SON: variants seen among roughly 807,000 people sequenced by gnomAD.
The protein encoded by SON is protein SON.
In SON, 4 loss-of-function variants were observed where a neutral mutation model predicts 173.3. The observed-to-expected ratio is 0.02, with a 90% CI of 0.01 to 0.05. The LOEUF (loss-of-function observed/expected upper bound fraction) is 0.05. Among genes scored for constraint, SON ranks in the 10% least tolerant of loss-of-function variants. The probability of loss-of-function intolerance (pLI) is 1.00; values close to 1 mark genes in which losing one functional copy is unlikely to be tolerated. For missense variants in SON, 2,626 were observed against 3,055.3 expected (o/e 0.86, Z 3.31); for synonymous variants, 1,190 against 1,105.9 (o/e 1.08, Z -1.51).
At chr21:33,564,106 T>C (rs1303699565) in intron 6 of SON, among the ~76,000 whole-genome samples, 1 of 152,240 alleles carries the variant, frequency 6.6e-6, no homozygotes, top group African/African-American at 2.4e-5. Context: ...AATAGTATTC[T>C]ACAGATTAAA....
chr21:33,568,924 A>T, intron 7 of SON, 47 bp from the exon 8 acceptor site: 1 of 1,073,874 alleles, frequency 9.3e-7, no homozygotes, highest in Non-Finnish European at 1.4e-6. Context: ...GTGATGTTTT[A>T]ATCAGGTAAT....
At position 33,553,358 on chromosome 21, in the gene SON, TGG is replaced by T; in HGVS notation, c.4128_4129del (p.Glu1377ValfsTer22). The T allele has an allele frequency of 1.2e-6, 2 of 1,612,016 alleles. No homozygotes were observed. The highest frequency in any genetic ancestry group is 1.7e-6 in the Non-Finnish European group (2 of 1,178,070). On this transcript the variant is annotated frameshift_variant, in exon 3 of 12. Transcript: ENST00000356577. LOFTEE classifies it high-confidence loss of function. ...CTGGAGTCTTCGACTGTGACTGTCC[TGG>T]AGTCTTCGACTGTAACTGTCCTGGA...
chr21:33,552,658 G>A lies in SON; in HGVS notation c.3427G>A (p.Ala1143Thr), dbSNP rs199881548. 3.1e-6 allele frequency: 5 copies of A among 1,614,048 alleles called. No homozygotes were observed. In the East Asian group the frequency reaches 8.9e-5, roughly 29 times the overall value. Residue 1143 changes from alanine to threonine, a missense_variant, in exon 3 of 12, where the codon GCA (alanine) becomes ACA (threonine). Coordinates refer to ENST00000356577, the MANE Select transcript of SON (RefSeq NM_138927.4). This position sits in a 1 kb window ranked among gnomAD's most constrained non-coding sequence, Gnocchi z 5.6. Reference protein sequence around the residue: ...TDSYTDTYTEAYMVPPLPPEE... With the variant: ...TDSYTDTYTETYMVPPLPPEE... ...TTCTTACACTGACACATATACAGAG[G>A]CATATATGGTGCCACCTTTGCCTCC...
intron 6 of SON, chr21:33,560,320 C>T (rs1244067140): frequency 7.4e-7 from 1 of 1,356,986 alleles, no homozygotes; most frequent in African/African-American, 1.5e-5. Flanking sequence ...ATTATTTTTC[C>T]TTCCCTTTGC....
chr21:33,546,171 A>T, intron 1 of SON, 42 bp from the exon 2 acceptor site: 2 of 1,508,834 alleles, frequency 1.3e-6, no homozygotes, highest in Non-Finnish European at 1.8e-6. Flanking sequence ...TATTAATGGT[A>T]TGATAAAATA....
At chr21:33,549,241 A>G (rs921543207) in intron 2 of SON, among the ~76,000 whole-genome samples, 2 of 152,088 alleles carry the variant, frequency 1.3e-5, no homozygotes, top group African/African-American at 4.8e-5. Context: ...TGCCTGGCTA[A>G]TTTTTGTATT....
Position 33,550,896 on chromosome 21 carries a change from G to A in SON, c.1665G>A (p.Thr555=), listed in dbSNP as rs549527625. Residue 555 remains threonine (T), a synonymous_variant, in exon 3 of 12, where the codon ACG becomes ACA. Transcript: ENST00000356577. ...AGTTGCCAGGACAGCCAGTGGCAAC[G>A]ACAGCGCTGGAGTTGCCGGGGCAGC... is the stretch of plus-strand genomic sequence containing the variant. The part of the protein sequence containing the change: ...VLELPGQPVA[T]TALELPGQPS... The A allele has an allele frequency of 5.6e-6, 9 of 1,610,442 alleles. No homozygotes were observed. Among genetic ancestry groups the A allele is most frequent in the East Asian group, 2.2e-5 (1 of 44,698 alleles).
chr21:33,558,129 G>A (rs897621429), intron 4 of SON: 3 of 152,918 alleles, frequency 2.0e-5, no homozygotes, highest in African/African-American at 7.3e-5. Flanking sequence ...ATATACTCTT[G>A]TGTTTTTGGC....
Position 33,551,270 on chromosome 21 carries a change from C to G in SON, c.2039C>G (p.Ala680Gly). The part of the protein sequence containing the change: ...SQSLEVPSTT[A>G]LESYNTVAQE... ...TCCCTGGAGGTGCCCTCGACGACAG[C>G]GCTGGAATCCTATAATACGGTAGCA... The change falls in exon 3 of 12, where the codon GCG (alanine) becomes GGG (glycine). Residue 680 changes from alanine (A) to glycine (G), a missense_variant. Ala to Gly is a moderately conservative substitution (Grantham distance 60). Coordinates refer to ENST00000356577, the MANE Select transcript of SON (RefSeq NM_138927.4). 1 of 1,614,134 alleles carries G rather than the reference C, an allele frequency of 6.2e-7. No individual in the cohort carries two copies. The highest frequency in any genetic ancestry group is 8.5e-7 in the Non-Finnish European group (1 of 1,179,992).
rs2085946091 is a variant in SON, at chr21:33,555,354, T to G, written c.6123T>G (p.Ser2041=). Residue 2041 remains serine, a synonymous_variant, in exon 3 of 12, where the codon TCT becomes TCG. Transcript: ENST00000356577. ...TCCGTCGTAAAAGATCCAGGTCTTC[T>G]GAACGAGGCAGATCACCCAAACGTC... ...SPIRRKRSRS[S]ERGRSPKRLT... 4 of 1,585,298 alleles carry G rather than the reference T, an allele frequency of 2.5e-6. No homozygotes were observed. Among genetic ancestry groups the G allele is most frequent in the Middle Eastern group, 1.7e-4 (1 of 5,962 alleles).
chr21:33,554,283 T>G lies in SON; in HGVS notation c.5052T>G (p.Pro1684=), dbSNP rs1174289808. The G allele has an allele frequency of 1.2e-6, 2 of 1,614,118 alleles. No homozygotes were observed. Among genetic ancestry groups the G allele is most frequent in the South Asian group, 1.1e-5 (1 of 91,080 alleles). The change falls in exon 3 of 12, where the codon CCT becomes CCG. Residue 1684 remains proline, a synonymous_variant. Transcript: ENST00000356577. ...LVSKDTEEPL[P]VKESDQTLAA... ...GTAAGGATACAGAAGAACCATTACCTGTAAAAGAGAGTGACCAGACATTAG... is the reference window on the plus strand; with the variant it reads ...GTAAGGATACAGAAGAACCATTACCGGTAAAAGAGAGTGACCAGACATTAG...
intron 8 of SON, chr21:33,572,753 G>T: frequency 3.0e-5 from 10 of 332,224 alleles, no homozygotes; most frequent in Middle Eastern, 8.6e-4. Context: ...ATTTGTTACT[G>T]TGTAAATTTC....
chr21:33,549,428 A>T, intron 2 of SON, 48 bp from the exon 3 acceptor site: 3 of 1,447,058 alleles, frequency 2.1e-6, no homozygotes, highest in Non-Finnish European at 2.8e-6. Context: ...ATTTAATCTA[A>T]CTCTACTTTG....
At position 33,554,592 on chromosome 21, in the gene SON, A is replaced by C; in HGVS notation, c.5361A>C (p.Lys1787Asn). ...ERASESSSEE[K>N]DDYEIFVKVK... ...CTTCAGAGTCTTCTTCAGAGGAAAAAGATGATTATGAAATTTTTGTAAAAG... is the reference window on the plus strand; with the variant it reads ...CTTCAGAGTCTTCTTCAGAGGAAAACGATGATTATGAAATTTTTGTAAAAG... The change falls in exon 3 of 12, where the codon AAA (lysine) becomes AAC (asparagine). Residue 1787 changes from lysine (K) to asparagine (N), a missense_variant. Physicochemically the swap from Lys to Asn is moderately conservative, Grantham distance 94. Transcript: ENST00000356577. 6.2e-7 allele frequency: 1 copy of C among 1,614,008 alleles called. No individual in the cohort carries two copies. The highest frequency in any genetic ancestry group is 8.5e-7 in the Non-Finnish European group (1 of 1,180,030).
Position 33,559,594 on chromosome 21 carries a change from C to T in SON, c.6476C>T (p.Ala2159Val). 1.2e-6 allele frequency: 2 copies of T among 1,606,704 alleles called. No individual in the cohort carries two copies. Among genetic ancestry groups the T allele is most frequent in the Non-Finnish European group, 8.5e-7 (1 of 1,177,532 alleles). ...AAACACTTTATTTTTTAGATTGCTG[C>T]AGCAAAACCAACTCCACCAAAAAGC... ...KPIFFNLNIA[A>V]AKPTPPKSQV... Residue 2159 changes from alanine (A) to valine (V), a missense_variant, in exon 6 of 12, where the codon GCA (alanine) becomes GTA (valine). Around this residue, in one of 13 missense-constraint regions of SON, gnomAD observed 75 missense variants for 201.6 expected, o/e 0.37. Transcript: ENST00000356577. This position sits in a 1 kb window ranked among gnomAD's most constrained non-coding sequence, Gnocchi z 4.1.
rs750106027 is a variant in SON, at chr21:33,553,560, G to A, written c.4329G>A (p.Ser1443=). ...AACCATCTGTTTCTGTCCAGGAATC[G>A]ACTGTGACAGTTTCAGAGCCTGCTG... The part of the protein sequence containing the change: ...VSEPSVSVQE[S]TVTVSEPAVT... Residue 1443 remains serine (S), a synonymous_variant, in exon 3 of 12, where the codon TCG becomes TCA. Transcript: ENST00000356577. 1.4e-5 allele frequency: 22 copies of A among 1,613,924 alleles called. No individual in the cohort carries two copies. The highest frequency in any genetic ancestry group is 3.3e-4 in the Middle Eastern group (2 of 6,084).
intron 11 of SON, among the ~76,000 whole-genome samples, chr21:33,576,138 GAATT>G (rs1003419355): frequency 1.3e-5 from 2 of 152,054 alleles, no homozygotes; most frequent in African/African-American, 4.8e-5. Context: ...TGAATGTGGG[GAATT>G]AATTTAATAC....
At chr21:33,548,492 T>C (rs1441173463) in intron 2 of SON, among the ~76,000 whole-genome samples, 1 of 152,250 alleles carries the variant, frequency 6.6e-6, no homozygotes, top group Non-Finnish European at 1.5e-5. Context: ...GAGTTCTCTA[T>C]GAATATTTTA....
Position 33,543,143 on chromosome 21 carries a change from C to A in SON, c.51C>A (p.Phe17Leu). The A allele has an allele frequency of 1.2e-6, 2 of 1,614,234 alleles. No homozygotes were observed. Among genetic ancestry groups the A allele is most frequent in the South Asian group, 1.1e-5 (1 of 91,090 alleles). Reference sequence around the variant, plus strand: ...TTAGGTCTTTCGTGGTCAGTAAATTCCGGGAAATTCAACAGGAGCTTTCCA... The same window carrying A: ...TTAGGTCTTTCGTGGTCAGTAAATTACGGGAAATTCAACAGGAGCTTTCCA... The part of the protein sequence containing the change: ...QIFRSFVVSK[F>L]REIQQELSSG... The change falls in exon 1 of 12, where the codon TTC becomes TTA. Residue 17 changes from phenylalanine to leucine, a missense_variant. Coordinates refer to ENST00000356577, the MANE Select transcript of SON (RefSeq NM_138927.4).
Sources: gnomAD v4.1 joint callset for allele counts (sites outside exome capture counted in the v4.1 genomes callset) on GRCh38, gnomAD v4.1.1 for gene constraint, gnomAD v4.1.1 regional missense constraint, Gnocchi (gnomAD v3.1) non-coding constraint, MANE v1.5 for transcripts, NCBI Gene and HGNC (gene_info 2026-07-23, HGNC 2026-07-21) for gene names.